LYPLAL1: variants seen among roughly 807,000 people sequenced by gnomAD.
The protein encoded by LYPLAL1 is lysophospholipase like 1.
In LYPLAL1, 23 loss-of-function variants were observed where a neutral mutation model predicts 19.7. That is an observed-to-expected ratio of 1.17 (90% CI 0.84 to 1.65). The LOEUF (loss-of-function observed/expected upper bound fraction) is 1.65. Among genes scored for constraint, LYPLAL1 ranks in the 40% most tolerant of loss-of-function variants. The pLI is 0.00. For synonymous variants in LYPLAL1, 119 were observed against 96.3 expected (o/e 1.24, Z -1.38); for missense variants, 355 against 279.4 (o/e 1.27, Z -1.93).
chr1:219,428,743 T>G, the LYPLAL1 span, among the ~76,000 whole-genome samples: 49 of 152,344 alleles, frequency 3.2e-4, no homozygotes, highest in South Asian at 0.01. Flanking sequence ...AAGTAATTTT[T>G]TTCAAACGCA....
chr1:219,367,945 A>ATT, the LYPLAL1 span, among the ~76,000 whole-genome samples: 3,259 of 144,430 alleles, frequency 0.023, 75 homozygotes, highest in African/African-American at 0.059. Context: ...TGGCTTTACA[A>ATT]TTTTTTTTTT....
the LYPLAL1 span, among the ~76,000 whole-genome samples, chr1:219,241,342 A>G: frequency 6.6e-6 from 1 of 151,510 alleles, no homozygotes; most frequent in Admixed American, 6.6e-5. Context: ...TATATTATCT[A>G]TTGACACTGC....
chr1:219,214,246 T>A (rs892241603), downstream of LYPLAL1, among the ~76,000 whole-genome samples: 3 of 152,152 alleles, frequency 2.0e-5, no homozygotes, highest in African/African-American at 7.2e-5. Context: ...TATTGTATAA[T>A]TTTTATATAT....
chr1:219,243,924 A>G, the LYPLAL1 span, among the ~76,000 whole-genome samples: 1 of 151,448 alleles, frequency 6.6e-6, no homozygotes, highest in African/African-American at 2.4e-5. Context: ...CATCTCAAAA[A>G]AAAAAAAAAA....
chr1:219,259,664 A>G, the LYPLAL1 span, among the ~76,000 whole-genome samples: 1 of 151,492 alleles, frequency 6.6e-6, no homozygotes, highest in Non-Finnish European at 1.5e-5. Flanking sequence ...GAAGTGAGAG[A>G]TAAAAGACTA....
chr1:219,229,294 TGAGAGAGAGAGAGAGAGAGAGAGAGAGA>T, the LYPLAL1 span, among the ~76,000 whole-genome samples: 1 of 132,928 alleles, frequency 7.5e-6, no homozygotes, highest in Non-Finnish European at 1.6e-5. Flanking sequence ...ACAAGCATTT[TGAGAGAGAGAGAGAGAGAGAGAGAGAGA>T]GAGAGAGAGA....
the LYPLAL1 span, among the ~76,000 whole-genome samples, chr1:219,348,600 C>A: frequency 1.3e-5 from 2 of 152,042 alleles, no homozygotes; most frequent in African/African-American, 4.8e-5. Flanking sequence ...ACTAATTTGA[C>A]CTAATAAGCT....
intron 2 of LYPLAL1, among the ~76,000 whole-genome samples, chr1:219,189,216 A>G (rs1318984620): frequency 1.3e-5 from 2 of 151,692 alleles, no homozygotes; most frequent in Non-Finnish European, 3.0e-5. Flanking sequence ...CTATGATATC[A>G]TCCTTATTTA....
At chr1:219,273,208 A>G in the LYPLAL1 span, 1 of 152,234 alleles carries the variant, frequency 6.6e-6, no homozygotes, top group South Asian at 2.1e-4. Flanking sequence ...TTGCCTGGAA[A>G]AGGTAAACAT....
chr1:219,434,565 T>C, the LYPLAL1 span, among the ~76,000 whole-genome samples: 1 of 152,228 alleles, frequency 6.6e-6, no homozygotes, highest in African/African-American at 2.4e-5. Context: ...TATGAAATTA[T>C]TGTCTTCTTA....
chr1:219,373,710 A>G, the LYPLAL1 span, among the ~76,000 whole-genome samples: 1 of 152,186 alleles, frequency 6.6e-6, no homozygotes, highest in Non-Finnish European at 1.5e-5. Context: ...GAATGGTTTA[A>G]GCATCTGGAT....
At chr1:219,257,883 T>C in the LYPLAL1 span, among the ~76,000 whole-genome samples, 5 of 151,954 alleles carry the variant, frequency 3.3e-5, no homozygotes, top group Non-Finnish European at 7.4e-5. Context: ...CATATTTCAG[T>C]CTTTATCTCA....
the LYPLAL1 span, among the ~76,000 whole-genome samples, chr1:219,402,903 A>G: frequency 3.3e-5 from 5 of 152,184 alleles, no homozygotes; most frequent in African/African-American, 9.6e-5. Flanking sequence ...GAATATAGAT[A>G]TTCCCAGGAA....
the LYPLAL1 span, among the ~76,000 whole-genome samples, chr1:219,321,269 C>A: frequency 1.3e-5 from 2 of 152,162 alleles, no homozygotes; most frequent in Non-Finnish European, 2.9e-5. Context: ...ATATCCTTCA[C>A]CCACTTTTTG....
the LYPLAL1 span, among the ~76,000 whole-genome samples, chr1:219,316,587 G>A: frequency 2.0e-5 from 3 of 152,058 alleles, no homozygotes; most frequent in East Asian, 1.9e-4. Flanking sequence ...TCTTTGTTAC[G>A]AGATGTTTGT....
At chr1:219,344,163 T>A in the LYPLAL1 span, among the ~76,000 whole-genome samples, 6 of 152,252 alleles carry the variant, frequency 3.9e-5, no homozygotes, top group African/African-American at 1.2e-4. Context: ...CTGCTACACT[T>A]CTGTATTCAT....
the LYPLAL1 span, among the ~76,000 whole-genome samples, chr1:219,352,027 T>C: frequency 6.6e-6 from 1 of 152,212 alleles, no homozygotes; most frequent in Non-Finnish European, 1.5e-5. Context: ...TTAATGTTGC[T>C]AATATTTTTC....
chr1:219,270,381 T>TG, the LYPLAL1 span, among the ~76,000 whole-genome samples: 1 of 152,112 alleles, frequency 6.6e-6, no homozygotes, highest in Non-Finnish European at 1.5e-5. Context: ...GTTTTATGGA[T>TG]GAGCTTGAGG....
the LYPLAL1 span, among the ~76,000 whole-genome samples, chr1:219,246,192 G>A: frequency 6.6e-6 from 1 of 151,950 alleles, no homozygotes; most frequent in South Asian, 2.1e-4. Context: ...TGCCATCCGT[G>A]GTCCGTATTT....
Sources: gnomAD v4.1 joint callset for allele counts (sites outside exome capture counted in the v4.1 genomes callset) on GRCh38, gnomAD v4.1.1 for gene constraint, MANE v1.5 for transcripts, NCBI Gene and HGNC (gene_info 2026-07-23, HGNC 2026-07-21) for gene names.